SLC24A3: variants seen among roughly 807,000 people sequenced by gnomAD.
The protein encoded by SLC24A3 is solute carrier family 24 member 3.
SLC24A3 carries 28 observed loss-of-function variants against 75.8 expected under a neutral mutation model. That is an observed-to-expected ratio of 0.37 (90% CI 0.27 to 0.51). The LOEUF (loss-of-function observed/expected upper bound fraction) is 0.51. Ranked by LOEUF, SLC24A3 falls within the 20% of genes least tolerant of loss-of-function variation. The pLI is 0.94. For synonymous variants in SLC24A3, 372 were observed against 334.1 expected, an observed-to-expected ratio of 1.11 and a Z score of -1.24; for missense variants, 663 against 847.8, an observed-to-expected ratio of 0.78 and a Z score of 2.71.
At chr20:19,456,734 C>T (rs942072129) in intron 2 of SLC24A3, among the ~76,000 whole-genome samples, 1 of 152,226 alleles carries the variant, frequency 6.6e-6, no homozygotes, top group African/African-American at 2.4e-5. Context: ...GAATCCCAAA[C>T]CCTAGTCATT....
intron 1 of SLC24A3, among the ~76,000 whole-genome samples, chr20:19,277,101 C>A (rs1983512381): frequency 6.6e-6 from 1 of 152,166 alleles, no homozygotes; most frequent in Non-Finnish European, 1.5e-5. Flanking sequence ...ATAATTAAAC[C>A]AGGATGGATT....
chr20:19,503,358 C>T (rs1267942633), intron 2 of SLC24A3, among the ~76,000 whole-genome samples: 1 of 152,160 alleles, frequency 6.6e-6, no homozygotes, highest in Non-Finnish European at 1.5e-5. Context: ...TAATTATGCT[C>T]TTTTCTTAAT....
At chr20:19,400,431 T>C (rs183096638) in intron 2 of SLC24A3, among the ~76,000 whole-genome samples, 103 of 152,288 alleles carry the variant, frequency 6.8e-4, no homozygotes, top group African/African-American at 1.4e-3. Context: ...CCCAGGAATC[T>C]TTCCATTTTC....
chr20:19,260,480 T>C (rs953630347), intron 1 of SLC24A3, among the ~76,000 whole-genome samples: 2 of 152,198 alleles, frequency 1.3e-5, no homozygotes, highest in African/African-American at 4.8e-5. Flanking sequence ...ATAATCTCCC[T>C]GAGGGTAAGG....
intron 2 of SLC24A3, among the ~76,000 whole-genome samples, chr20:19,394,751 C>CT (rs1986424510): frequency 6.6e-6 from 1 of 152,102 alleles, no homozygotes; most frequent in Non-Finnish European, 1.5e-5. Context: ...AAATTGGAAC[C>CT]TTTGTGTACT....
intron 2 of SLC24A3, among the ~76,000 whole-genome samples, chr20:19,325,795 T>TATATATATAGAGAGAGAGAG (rs1251419875): frequency 3.0e-5 from 2 of 67,796 alleles, no homozygotes; most frequent in East Asian, 1.3e-3. Context: ...TATATATATA[T>TATATATATAGAGAGAGAGAG]AGAGAGAGAG....
intron 6 of SLC24A3, among the ~76,000 whole-genome samples, chr20:19,609,268 A>G (rs2122661415): frequency 6.6e-6 from 1 of 152,194 alleles, no homozygotes; most frequent in South Asian, 2.1e-4. Flanking sequence ...ACACCAAGGA[A>G]CAATTAACTT....
At chr20:19,226,389 C>G (rs1461123074) in intron 1 of SLC24A3, among the ~76,000 whole-genome samples, 1 of 152,104 alleles carries the variant, frequency 6.6e-6, no homozygotes, top group East Asian at 1.9e-4. Context: ...TCATTTGGTA[C>G]TATCACTGTC....
chr20:19,387,346 T>C (rs1280012592), intron 2 of SLC24A3, among the ~76,000 whole-genome samples: 2 of 152,102 alleles, frequency 1.3e-5, no homozygotes, highest in Non-Finnish European at 2.9e-5. Context: ...TCTGCTCTGA[T>C]TTTACTTTTC....
intron 2 of SLC24A3, among the ~76,000 whole-genome samples, chr20:19,300,130 A>T (rs1351522873): frequency 6.6e-6 from 1 of 152,148 alleles, no homozygotes; most frequent in Non-Finnish European, 1.5e-5. Flanking sequence ...GTCTTCTAAA[A>T]CATGCTCACA....
chr20:19,654,227 T>C (rs950947562), intron 7 of SLC24A3, 91 bp downstream of exon 7: 9 of 1,199,802 alleles, frequency 7.5e-6, no homozygotes, highest in Non-Finnish European at 1.1e-5. Flanking sequence ...TCACTCGAGG[T>C]CACCGGTGGC....
intron 2 of SLC24A3, among the ~76,000 whole-genome samples, chr20:19,379,795 A>T (rs558989752): frequency 2.0e-5 from 3 of 152,138 alleles, no homozygotes; most frequent in Non-Finnish European, 4.4e-5. Context: ...AGCTTGTTTC[A>T]TCTATGGATT....
intron 13 of SLC24A3, chr20:19,696,536 C>T (rs956686688): frequency 1.5e-5 from 6 of 388,460 alleles, no homozygotes; most frequent in African/African-American, 4.1e-5. Flanking sequence ...TCAAACCACC[C>T]GCCTCACCGG....
At position 19,461,834 on chromosome 20, in the gene SLC24A3, C is replaced by G. The variant is rs1254440767; in HGVS notation, c.272-53654C>G. The stretch of plus-strand genomic sequence containing the variant: ...AGGAGTGAGCCATCGTGCCTGGCCC[C>G]CAAGTACTTCATCTACCTATTTTGT... On this transcript the variant is annotated intron_variant, in intron 2 of 16. Coordinates refer to ENST00000328041, the MANE Select transcript of SLC24A3 (RefSeq NM_020689.4). 2.6e-5 allele frequency among the ~76,000 whole-genome samples: 4 copies of G among 152,056 alleles called. No individual in the cohort carries two copies. In the East Asian group the frequency reaches 7.7e-4, roughly 29 times the overall value.
At chr20:19,482,206 C>T (rs1988067006) in intron 2 of SLC24A3, among the ~76,000 whole-genome samples, 1 of 152,226 alleles carries the variant, frequency 6.6e-6, no homozygotes, top group Non-Finnish European at 1.5e-5. Context: ...CTGATCCTCC[C>T]AGCCCACCTG....
chr20:19,367,619 G>T (rs1289700333), intron 2 of SLC24A3, among the ~76,000 whole-genome samples: 1 of 152,048 alleles, frequency 6.6e-6, no homozygotes, highest in African/African-American at 2.4e-5. Flanking sequence ...GACTAGCTGT[G>T]GTCTCCCTGC....
chr20:19,513,822 A>G (rs2029932209), intron 2 of SLC24A3, among the ~76,000 whole-genome samples: 1 of 152,058 alleles, frequency 6.6e-6, no homozygotes, highest in African/African-American at 2.4e-5. Flanking sequence ...CTTTTGATAT[A>G]CAGATACATT....
rs1316181844 is a variant in SLC24A3 at position 19,721,157 on chromosome 20, A to G, written c.*17A>G. 6.2e-7 allele frequency: 1 copy of G among 1,613,520 alleles called. No homozygotes were observed. Among genetic ancestry groups the G allele is most frequent in the Non-Finnish European group, 8.5e-7 (1 of 1,179,928 alleles). ...GACCACTGAGCCGCCGGGTGCCCACAGAGGCTCAGCTCCTTCTTTTCTGTG... is the reference window on the plus strand; with the variant it reads ...GACCACTGAGCCGCCGGGTGCCCACGGAGGCTCAGCTCCTTCTTTTCTGTG... On this transcript the variant is annotated 3_prime_UTR_variant, in exon 17 of 17. Transcript: ENST00000328041.
At chr20:19,279,333 C>T (rs761265587) in intron 1 of SLC24A3, among the ~76,000 whole-genome samples, 2 of 152,200 alleles carry the variant, frequency 1.3e-5, no homozygotes, top group Non-Finnish European at 2.9e-5. Flanking sequence ...CAAGAGGCAG[C>T]ATTGCCTCAG....
Sources: allele counts gnomAD v4.1 joint callset (sites outside exome capture counted in the v4.1 genomes callset), GRCh38; gene constraint gnomAD v4.1.1; transcripts MANE v1.5; gene names NCBI Gene and HGNC (gene_info 2026-07-23, HGNC 2026-07-21).